The following GABRG3 variants were observed in gnomAD, a reference collection of about 807,000 sequenced individuals.
GABRG3 encodes gamma-aminobutyric acid type A receptor subunit gamma3, also known as gamma-aminobutyric acid receptor subunit gamma-3.
In GABRG3, 25 loss-of-function variants were observed where a neutral mutation model predicts 48.8. The ratio of observed to expected loss-of-function variants is 0.51; its 90% CI spans 0.37 to 0.72. GABRG3 has a LOEUF of 0.72. Ranked by LOEUF, GABRG3 falls within the 30% of genes least tolerant of loss-of-function variation. GABRG3 has a pLI of 0.00. For missense variants in GABRG3, 394 were observed against 577.9 expected (o/e 0.68, Z 3.26); for synonymous variants, 227 against 217.6 (o/e 1.04, Z -0.38).
At chr15:27,456,705 A>G (rs1252750281) in intron 5 of GABRG3, among the ~76,000 whole-genome samples, 3 of 152,124 alleles carry the variant, frequency 2.0e-5, no homozygotes, top group Non-Finnish European at 4.4e-5. Flanking sequence ...AGCGGAGGAA[A>G]TAGGCAGGCT....
chr15:27,373,836 C>T (rs1212131782), intron 5 of GABRG3, among the ~76,000 whole-genome samples: 2 of 152,028 alleles, frequency 1.3e-5, no homozygotes. Context: ...AAGGAGAATC[C>T]TCATCAGTTC....
intron 3 of GABRG3, among the ~76,000 whole-genome samples, chr15:27,292,553 A>T (rs1891831104): frequency 6.6e-6 from 1 of 152,228 alleles, no homozygotes; most frequent in Non-Finnish European, 1.5e-5. Context: ...ATGTACATAT[A>T]TGTAATCATA....
intron 5 of GABRG3, among the ~76,000 whole-genome samples, chr15:27,358,291 C>T (rs183656399): frequency 6.6e-6 from 1 of 152,234 alleles, no homozygotes; most frequent in Non-Finnish European, 1.5e-5. Flanking sequence ...ATTTCATACA[C>T]GAAGCTTTGT....
chr15:27,424,983 C>G (rs112554306), intron 5 of GABRG3, among the ~76,000 whole-genome samples: 2 of 152,172 alleles, frequency 1.3e-5, no homozygotes, highest in African/African-American at 4.8e-5. Context: ...GGCTAAGACT[C>G]AACCAGTCAC....
chr15:26,987,985 T>C (rs1241827465), intron 2 of GABRG3, among the ~76,000 whole-genome samples: 2 of 152,220 alleles, frequency 1.3e-5, no homozygotes, highest in African/African-American at 2.4e-5. Context: ...CATTCAGTTA[T>C]TGATTTCTAA....
intron 5 of GABRG3, among the ~76,000 whole-genome samples, chr15:27,441,648 A>G (rs535772175): frequency 3.3e-5 from 5 of 152,198 alleles, no homozygotes; most frequent in South Asian, 4.2e-4. Flanking sequence ...CTTCCAATCT[A>G]CCCTGAGAGC....
intron 3 of GABRG3, among the ~76,000 whole-genome samples, chr15:27,146,280 C>T (rs1898207794): frequency 1.3e-5 from 2 of 152,232 alleles, no homozygotes; most frequent in Admixed American, 1.3e-4. Flanking sequence ...CGTTGAAACC[C>T]TGTCTCTACT....
chr15:27,263,473 C>T (rs923366481), intron 3 of GABRG3, among the ~76,000 whole-genome samples: 4 of 152,096 alleles, frequency 2.6e-5, no homozygotes, highest in African/African-American at 9.7e-5. Flanking sequence ...CAAACACTTT[C>T]TCAAACAAGC....
Position 27,352,020 on chromosome 15 carries a change from T to C in GABRG3, c.574+23132T>C, listed in dbSNP as rs1227063947. Among the ~76,000 whole-genome samples, 1 of 150,278 alleles carries C rather than the reference T, an allele frequency of 6.7e-6. No homozygotes were observed. The highest frequency in any genetic ancestry group is 2.5e-5 in the African/African-American group (1 of 40,742). On this transcript the variant is annotated intron_variant, in intron 5 of 9. Coordinates refer to ENST00000615808, the MANE Select transcript of GABRG3 (RefSeq NM_033223.5). This position sits in a 1 kb window ranked among gnomAD's most constrained non-coding sequence, Gnocchi z 4.0. ...TGTGTATATATGATGTGTGGGTTTA[T>C]GGTGTATGCGTGTATAGTGTGTGTG... is the stretch of plus-strand genomic sequence containing the variant.
intron 3 of GABRG3, chr15:27,271,624 A>G (rs1595627510): frequency 2.2e-6 from 1 of 455,904 alleles, no homozygotes; most frequent in Non-Finnish European, 4.4e-6. Flanking sequence ...ACATGGCAGG[A>G]AAATAAGCTG....
intron 2 of GABRG3, 87 bp downstream of exon 2, chr15:26,977,237 G>T: frequency 7.3e-7 from 1 of 1,368,144 alleles, no homozygotes; most frequent in South Asian, 1.3e-5. Context: ...AATTCCAAGA[G>T]TATTGCAAAG....
At chr15:27,406,813 A>G (rs890263178) in intron 5 of GABRG3, among the ~76,000 whole-genome samples, 8 of 152,218 alleles carry the variant, frequency 5.3e-5, no homozygotes, top group African/African-American at 1.9e-4. Context: ...TACCAGGGTA[A>G]TGGAAGATTA....
intron 2 of GABRG3, among the ~76,000 whole-genome samples, chr15:27,025,763 A>C (rs1443805641): frequency 2.0e-5 from 3 of 152,360 alleles, no homozygotes; most frequent in Admixed American, 6.5e-5. Flanking sequence ...AAGCACATTC[A>C]CATAATTGCA....
At chr15:27,456,707 A>T (rs1349933207) in intron 5 of GABRG3, among the ~76,000 whole-genome samples, 1 of 152,142 alleles carries the variant, frequency 6.6e-6, no homozygotes, top group Non-Finnish European at 1.5e-5. Flanking sequence ...CGGAGGAAAT[A>T]GGCAGGCTGT....
intron 5 of GABRG3, among the ~76,000 whole-genome samples, chr15:27,422,722 A>G (rs780886671): frequency 6.6e-6 from 1 of 152,216 alleles, no homozygotes; most frequent in African/African-American, 2.4e-5. Context: ...CAACATTGAT[A>G]TCAATAATGT....
intron 3 of GABRG3, among the ~76,000 whole-genome samples, chr15:27,111,908 A>G (rs923800149): frequency 6.6e-6 from 1 of 152,024 alleles, no homozygotes; most frequent in African/African-American, 2.4e-5. Context: ...TGATTTCCCC[A>G]GGAGAGTAGG....
At chr15:27,363,097 C>A (rs1413179641) in intron 5 of GABRG3, 1 of 152,164 alleles carries the variant, frequency 6.6e-6, no homozygotes, top group African/African-American at 2.4e-5. Context: ...TTCTGGCCCC[C>A]AAAAGAGGCT....
chr15:27,193,133 G>A (rs208141), intron 3 of GABRG3, among the ~76,000 whole-genome samples: 28,303 of 152,116 alleles, frequency 0.19, 2,716 homozygotes, highest in East Asian at 0.33. Flanking sequence ...CCTACTGGGG[G>A]GTGCCTCCCA....
rs370921533 is a variant in GABRG3 at position 27,011,697 on chromosome 15, A to T, written c.203-15057A>T. Among the ~76,000 whole-genome samples the T allele has an allele frequency of 1.5e-3, 229 of 151,948 alleles. 2 individuals carry two copies. The South Asian group carries it at 0.045, about 30-fold the overall frequency. On this transcript the variant is annotated intron_variant, in intron 2 of 9. Transcript: ENST00000615808. ...CCTTTTTCTACTAAAAAATACAAAA[A>T]ATTAGCCGGGTGTGGTGGTGGGCGC...
Sources: allele counts gnomAD v4.1 joint callset (sites outside exome capture counted in the v4.1 genomes callset), GRCh38; gene constraint gnomAD v4.1.1; non-coding constraint Gnocchi (gnomAD v3.1); transcripts MANE v1.5; gene names NCBI Gene and HGNC (gene_info 2026-07-23, HGNC 2026-07-21).